The following NUAK1 variants were observed in gnomAD, a reference collection of about 807,000 sequenced individuals.
NUAK1 encodes the protein NUAK family kinase 1, also known as NUAK family SNF1-like kinase 1.
NUAK1 carries 26 observed loss-of-function variants against 56.9 expected under a neutral mutation model. The ratio of observed to expected loss-of-function variants is 0.46; its 90% CI spans 0.33 to 0.63. NUAK1 has a LOEUF of 0.63. Ranked by LOEUF, NUAK1 falls within the 30% of genes least tolerant of loss-of-function variation. NUAK1 has a pLI of 0.02. For synonymous variants in NUAK1, 337 were observed against 336.0 expected (o/e 1.00, Z -0.03); for missense variants, 727 against 876.1 (o/e 0.83, Z 2.15).
rs540027063 is a variant in NUAK1 at position 106,113,927 on chromosome 12, A to G, written c.241-7402T>C. ...GGAGCACGAAAAAGCCTCTGGTAAC[A>G]CAAGAGACGCTAACACAGACAATAT... On this transcript the variant is annotated intron_variant, in intron 1 of 6. Transcript: ENST00000261402. 5.9e-5 allele frequency among the ~76,000 whole-genome samples: 9 copies of G among 152,252 alleles called. No individual in the cohort carries two copies. The East Asian group carries it at 1.2e-3, about 20-fold the overall frequency.
chr12:106,072,948 G>C (rs2032421400), intron 4 of NUAK1, 105 bp from the exon 5 acceptor site: 1 of 1,341,634 alleles, frequency 7.5e-7, no homozygotes, highest in Non-Finnish European at 1.0e-6. Context: ...AAGGGCACCT[G>C]GGTGGGTCTG....
Position 106,065,294 on chromosome 12 carries a change from T to TTTTTGTTTTG in NUAK1, c.*1498_*1507dup, listed in dbSNP as rs377127085. The TTTTTGTTTTG allele has an allele frequency of 5.9e-5, 9 of 152,096 alleles. No homozygotes were observed. The highest frequency in any genetic ancestry group is 1.2e-4 in the Non-Finnish European group (8 of 68,038). 9.4% of individuals were successfully genotyped at this position (152,096 alleles called of 1,614,324 possible). ...GGTGTTTAGAAATTACATATCTAGTTTTTTGTTTTGTTTTGTTTTGTTTTG... is the reference window on the plus strand; with the variant it reads ...GGTGTTTAGAAATTACATATCTAGTTTTTTGTTTTGTTTTGTTTTGTTTTGTTTTGTTTTG... On this transcript the variant is annotated 3_prime_UTR_variant, in exon 7 of 7. Coordinates refer to ENST00000261402, the MANE Select transcript of NUAK1 (RefSeq NM_014840.3).
chr12:106,128,643 G>C (rs560349037), intron 1 of NUAK1, among the ~76,000 whole-genome samples: 1 of 152,280 alleles, frequency 6.6e-6, no homozygotes, highest in African/African-American at 2.4e-5. Flanking sequence ...AAGTGAATGG[G>C]GTCCCGCTGG....
intron 5 of NUAK1, among the ~76,000 whole-genome samples, chr12:106,072,172 T>C (rs910263805): frequency 1.3e-5 from 2 of 149,706 alleles, no homozygotes; most frequent in African/African-American, 2.5e-5. Context: ...AAAAAGATAT[T>C]TACCCCAGAG....
At chr12:106,128,217 C>T (rs1279706839) in intron 1 of NUAK1, among the ~76,000 whole-genome samples, 3 of 151,338 alleles carry the variant, frequency 2.0e-5, no homozygotes, top group African/African-American at 7.3e-5. Flanking sequence ...CTGCAACCTC[C>T]GCCTCCCGGG....
rs1278047844 is a variant in NUAK1, at chr12:106,106,433, G to C, written c.333C>G (p.Asn111Lys). 6.2e-7 allele frequency: 1 copy of C among 1,611,442 alleles called. No individual in the cohort carries two copies. Among genetic ancestry groups the C allele is most frequent in the African/African-American group, 1.3e-5 (1 of 74,824 alleles). The change falls in exon 2 of 7, where the codon AAC becomes AAG. Residue 111 changes from asparagine (N) to lysine (K), a missense_variant. Physicochemically the swap from Asn to Lys is moderately conservative, Grantham distance 94. Coordinates refer to ENST00000261402, the MANE Select transcript of NUAK1 (RefSeq NM_014840.3). ...CATAAATACTGATGATATGAGGATG[G>C]TTGAGAGATGACATGATCTCAATCT... ...RREIEIMSSL[N>K]HPHIISIYEV...
intron 1 of NUAK1, among the ~76,000 whole-genome samples, chr12:106,131,673 A>C (rs1433794669): frequency 6.6e-6 from 1 of 152,220 alleles, no homozygotes; most frequent in Non-Finnish European, 1.5e-5. Flanking sequence ...CTTACTAATA[A>C]TAATGCTCTA....
chr12:106,130,411 C>T (rs2033065675), intron 1 of NUAK1, among the ~76,000 whole-genome samples: 1 of 152,212 alleles, frequency 6.6e-6, no homozygotes, highest in Admixed American at 6.5e-5. Flanking sequence ...TCTGAAAGTC[C>T]CTATGGTGCT....
At chr12:106,078,700 T>C (rs2032486630) in intron 4 of NUAK1, among the ~76,000 whole-genome samples, 1 of 152,188 alleles carries the variant, frequency 6.6e-6, no homozygotes, top group Non-Finnish European at 1.5e-5. Flanking sequence ...TCTAAGCTCA[T>C]GCTGCCTCTC....
chr12:106,088,751 A>G (rs1382175306), intron 2 of NUAK1, among the ~76,000 whole-genome samples: 1 of 152,254 alleles, frequency 6.6e-6, no homozygotes, highest in Non-Finnish European at 1.5e-5. Context: ...TATCAATATT[A>G]ATTCATCCCC....
Position 106,138,383 on chromosome 12 carries a change from C to A in NUAK1, c.240+31G>T. ...GTCCCCGGCCGCGTCCACCCAGCGC[C>A]CCCCGCACCCTCCAGGATTGCCCCA... On this transcript the variant is annotated intron_variant, in intron 1 of 6. Transcript: ENST00000261402. This position sits in a 1 kb window ranked among gnomAD's most constrained non-coding sequence, Gnocchi z 5.0. 6.3e-7 allele frequency: 1 copy of A among 1,577,668 alleles called. No individual in the cohort carries two copies.
At chr12:106,108,171 GGGGAAAAAAAAA>G (rs1379489380) in intron 1 of NUAK1, among the ~76,000 whole-genome samples, 1 of 151,264 alleles carries the variant, frequency 6.6e-6, no homozygotes, top group Non-Finnish European at 1.5e-5. Context: ...TAGCAGAACT[GGGGAAAAAAAAA>G]GGGGGAACCA....
intron 2 of NUAK1, among the ~76,000 whole-genome samples, chr12:106,088,304 G>T (rs1220314890): frequency 2.6e-5 from 4 of 152,092 alleles, no homozygotes; most frequent in Admixed American, 1.3e-4. Flanking sequence ...CTCCCTGAAG[G>T]TCCCCTGCCT....
chr12:106,072,575 A>T, intron 5 of NUAK1, 149 bp downstream of exon 5: 2 of 858,860 alleles, frequency 2.3e-6, no homozygotes, highest in Non-Finnish European at 3.4e-6. Context: ...AGTATACATT[A>T]ACTGCTTTTA....
intron 1 of NUAK1, among the ~76,000 whole-genome samples, chr12:106,125,033 A>AATAAATAAATAT (rs1288353082): frequency 2.0e-5 from 3 of 151,922 alleles, no homozygotes; most frequent in Admixed American, 6.5e-5. Flanking sequence ...TAAATAAATA[A>AATAAATAAATAT]ATATCTGTTG....
chr12:106,076,826 T>C (rs1299409139), intron 4 of NUAK1, among the ~76,000 whole-genome samples: 3 of 151,966 alleles, frequency 2.0e-5, no homozygotes, highest in Non-Finnish European at 4.4e-5. Context: ...GAAAATAGAA[T>C]GGAGGTTGCC....
At chr12:106,097,666 T>C (rs2032708715) in intron 2 of NUAK1, among the ~76,000 whole-genome samples, 1 of 152,226 alleles carries the variant, frequency 6.6e-6, no homozygotes, top group South Asian at 2.1e-4. Context: ...CTTTTGTTTC[T>C]AAGGAAACCA....
chr12:106,132,903 T>A (rs1450525904), intron 1 of NUAK1, among the ~76,000 whole-genome samples: 1 of 152,180 alleles, frequency 6.6e-6, no homozygotes, highest in East Asian at 1.9e-4. Context: ...GGTCTCTGCA[T>A]TCACATTGCC....
At chr12:106,121,878 C>A (rs372087859) in intron 1 of NUAK1, among the ~76,000 whole-genome samples, 6 of 152,196 alleles carry the variant, frequency 3.9e-5, no homozygotes, top group African/African-American at 1.2e-4. Flanking sequence ...CATGCACACA[C>A]CCCTACTGGG....
Sources: allele counts gnomAD v4.1 joint callset (sites outside exome capture counted in the v4.1 genomes callset), GRCh38; gene constraint gnomAD v4.1.1; non-coding constraint Gnocchi (gnomAD v3.1); transcripts MANE v1.5; gene names NCBI Gene and HGNC (gene_info 2026-07-23, HGNC 2026-07-21).